SLC18B1: variants seen among roughly 807,000 people sequenced by gnomAD.
SLC18B1 encodes the protein solute carrier family 18 member B1, also known as MFS-type transporter SLC18B1.
A neutral mutation model predicts 53.9 loss-of-function variants in SLC18B1; 62 were observed. The observed-to-expected ratio is 1.15, with a 90% CI of 0.94 to 1.42. SLC18B1 has a LOEUF of 1.42. SLC18B1 is among the 40% of genes most tolerant of loss of function. The probability of loss-of-function intolerance (pLI) is 0.00; values close to 1 mark genes in which losing one functional copy is unlikely to be tolerated. For synonymous variants in SLC18B1, 217 were observed against 200.9 expected (o/e 1.08, Z -0.68); for missense variants, 598 against 547.3 (o/e 1.09, Z -0.93).
chr6:132,776,095 A>G (rs1332087085), intron 8 of SLC18B1, among the ~76,000 whole-genome samples: 1 of 151,612 alleles, frequency 6.6e-6, no homozygotes, highest in Non-Finnish European at 1.5e-5. Flanking sequence ...AATCCAATTT[A>G]TTTTTTTTTA....
intron 2 of SLC18B1, among the ~76,000 whole-genome samples, chr6:132,793,007 G>A (rs1308332019): frequency 6.6e-6 from 1 of 152,194 alleles, no homozygotes; most frequent in Admixed American, 6.5e-5. Context: ...TGTAATCCCA[G>A]CTACTTGGGA....
At chr6:132,792,292 G>GAAGGAAGA (rs1781559490) in intron 2 of SLC18B1, among the ~76,000 whole-genome samples, 1 of 31,594 alleles carries the variant, frequency 3.2e-5, no homozygotes, top group Non-Finnish European at 5.6e-5. Flanking sequence ...AGGAAGAAAG[G>GAAGGAAGA]AAGGAAGGAA....
chr6:132,772,959 C>A, intron 10 of SLC18B1, 34 bp downstream of exon 10: 1 of 1,477,550 alleles, frequency 6.8e-7, no homozygotes, highest in Non-Finnish European at 9.5e-7. Context: ...TACTTATTCA[C>A]AATACAGCTC....
At position 132,771,119 on chromosome 6, in the gene SLC18B1, C is replaced by T; in HGVS notation, c.1171G>A (p.Gly391Arg). The T allele has an allele frequency of 6.2e-7, 1 of 1,613,682 alleles. No homozygotes were observed. Among genetic ancestry groups the T allele is most frequent in the Non-Finnish European group, 8.5e-7 (1 of 1,179,860 alleles). The change falls in exon 12 of 14, where the codon GGA becomes AGA. Residue 391 changes from glycine to arginine, a missense_variant. Transcript: ENST00000275227. Reference sequence around the variant, plus strand: ...TACAGAAATCCACCCAGCGTTGGTCCCATAAAAGCACTAACAATAGAAAGA... The same window carrying T: ...TACAGAAATCCACCCAGCGTTGGTCTCATAAAAGCACTAACAATAGAAAGA... ...SAMWSIGAFMGPTLGGFLYEK... is the reference protein window; with the variant it reads ...SAMWSIGAFMRPTLGGFLYEK...
chr6:132,770,763 C>T (rs1317160037), intron 13 of SLC18B1, 127 bp downstream of exon 13: 1 of 895,136 alleles, frequency 1.1e-6, no homozygotes, highest in Non-Finnish European at 1.7e-6. Context: ...AAAGTATCTA[C>T]CAACTGATGA....
At chr6:132,786,521 C>T (rs559204015) in intron 5 of SLC18B1, among the ~76,000 whole-genome samples, 7 of 143,952 alleles carry the variant, frequency 4.9e-5, no homozygotes, top group Non-Finnish European at 1.0e-4. Flanking sequence ...TGCACTCCAG[C>T]CTGGGCTACG....
At chr6:132,784,903 G>A (rs1200078762) in intron 5 of SLC18B1, among the ~76,000 whole-genome samples, 1 of 152,124 alleles carries the variant, frequency 6.6e-6, no homozygotes, top group Non-Finnish European at 1.5e-5. Flanking sequence ...GAGTAAGAAA[G>A]CTCCTTATAT....
chr6:132,786,926 T>C (rs972214341), intron 5 of SLC18B1, among the ~76,000 whole-genome samples: 4 of 152,156 alleles, frequency 2.6e-5, no homozygotes, highest in Non-Finnish European at 5.9e-5. Flanking sequence ...TGGATTTTTA[T>C]GTCAAAATGC....
intron 4 of SLC18B1, among the ~76,000 whole-genome samples, chr6:132,788,934 A>AAG (rs1417524992): frequency 6.6e-6 from 1 of 151,546 alleles, no homozygotes; most frequent in East Asian, 1.9e-4. Flanking sequence ...TCAAAAAAAA[A>AAG]AAAAAAAGGA....
chr6:132,797,623 C>A (rs12209807), intron 1 of SLC18B1, among the ~76,000 whole-genome samples: 10 of 151,514 alleles, frequency 6.6e-5, no homozygotes, highest in Non-Finnish European at 1.5e-4. Flanking sequence ...AACAAACAAA[C>A]AAAAACAAAA....
intron 3 of SLC18B1, 55 bp from the exon 4 acceptor site, chr6:132,789,892 T>C (rs1262428852): frequency 4.0e-6 from 5 of 1,237,594 alleles, no homozygotes; most frequent in African/African-American, 3.0e-5. Context: ...AAGTCTATAT[T>C]GATATAAACA....
At chr6:132,779,792 G>T (rs1781185511) in intron 6 of SLC18B1, among the ~76,000 whole-genome samples, 1 of 152,156 alleles carries the variant, frequency 6.6e-6, no homozygotes, top group Non-Finnish European at 1.5e-5. Flanking sequence ...AAGGAAAGAG[G>T]TTTAATAAAC....
rs757737599 is a variant in SLC18B1 at position 132,787,441 on chromosome 6, G to T, written c.494C>A (p.Thr165Lys). The T allele has an allele frequency of 6.3e-7, 1 of 1,594,432 alleles. No individual in the cohort carries two copies. The highest frequency in any genetic ancestry group is 8.5e-7 in the Non-Finnish European group (1 of 1,173,732). The change falls in exon 5 of 14, where the codon ACG becomes AAG. Residue 165 changes from threonine (T) to lysine (K), a missense_variant. By Grantham distance (78) the Thr-to-Lys change is moderately conservative. Transcript: ENST00000275227. ...TACTTCTAAAATACATACCAATACCGTAGCCACGTTATTTGGAAAAGCCTT... is the reference window on the plus strand; with the variant it reads ...TACTTCTAAAATACATACCAATACCTTAGCCACGTTATTTGGAAAAGCCTT... ...LAKAFPNNVA[T>K]VLGSLETFSG...
At chr6:132,798,351 TAAAGA>T in intron 1 of SLC18B1, 58 bp downstream of exon 1, 2 of 1,475,846 alleles carry the variant, frequency 1.4e-6, no homozygotes. Flanking sequence ...CAATCGTTGC[TAAAGA>T]GACACGCCGG....
At position 132,775,385 on chromosome 6, in the gene SLC18B1, A is replaced by G. The variant is rs537869171; in HGVS notation, c.897+943T>C. On this transcript the variant is annotated intron_variant, in intron 8 of 13. Transcript: ENST00000275227. ...TGTATCCAGTAAAATTATCCCTTATAAACTACTTGAATCAGGACAAAAATT... is the reference window on the plus strand; with the variant it reads ...TGTATCCAGTAAAATTATCCCTTATGAACTACTTGAATCAGGACAAAAATT... Among the ~76,000 whole-genome samples the G allele has an allele frequency of 1.4e-4, 22 of 152,328 alleles. No individual in the cohort carries two copies. The South Asian group carries it at 4.6e-3, about 32-fold the overall frequency.
At position 132,798,604 on chromosome 6, in the gene SLC18B1, C is replaced by T. The variant is rs868727562; in HGVS notation, c.-148G>A. The stretch of plus-strand genomic sequence containing the variant: ...GACTCCCTGCAGGCAGCGATCCGCC[C>T]GGCCCGGAGCTCCCCAAAGCCTTCC... On this transcript the variant is annotated 5_prime_UTR_variant, in exon 1 of 14. Coordinates refer to ENST00000275227, the MANE Select transcript of SLC18B1 (RefSeq NM_052831.3). 42 of 799,780 alleles carry T rather than the reference C, an allele frequency of 5.3e-5. No individual in the cohort carries two copies. The Middle Eastern group carries it at 3.3e-3, about 62-fold the overall frequency. The allele number at this position is 799,780 out of a possible 1,614,324, so 49.5% of individuals were successfully genotyped here. A position where few individuals can be genotyped will look rare whatever the true frequency, so the allele number is the denominator to read the frequency against.
intron 6 of SLC18B1, among the ~76,000 whole-genome samples, chr6:132,781,004 C>T (rs1009857825): frequency 4.6e-5 from 7 of 152,044 alleles, no homozygotes; most frequent in Non-Finnish European, 8.8e-5. Context: ...GAGGTATTGC[C>T]AGCAGGGAGA....
chr6:132,769,596 G>A lies in SLC18B1; in HGVS notation c.*674C>T, dbSNP rs949660216. ...AATGAAAAACGTTATACCAAGTAAT[G>A]TTTATAAATCCAGATCATAAGTGAA... On this transcript the variant is annotated 3_prime_UTR_variant, in exon 14 of 14. Transcript: ENST00000275227. 1 of 152,188 alleles carries A rather than the reference G, an allele frequency of 6.6e-6. No homozygotes were observed. Among genetic ancestry groups the A allele is most frequent in the Non-Finnish European group, 1.5e-5 (1 of 68,044 alleles). 9.4% of individuals were successfully genotyped at this position (152,188 alleles called of 1,614,324 possible).
chr6:132,785,276 T>TTA (rs1428337737), intron 5 of SLC18B1, among the ~76,000 whole-genome samples: 1 of 152,168 alleles, frequency 6.6e-6, no homozygotes, highest in Non-Finnish European at 1.5e-5. Flanking sequence ...TGAGCAACTG[T>TTA]TATATGTAGA....
Sources: gnomAD v4.1 joint callset for allele counts (sites outside exome capture counted in the v4.1 genomes callset) on GRCh38, gnomAD v4.1.1 for gene constraint, MANE v1.5 for transcripts, NCBI Gene and HGNC (gene_info 2026-07-23, HGNC 2026-07-21) for gene names.